SLC30A2: variants seen among roughly 807,000 people sequenced by gnomAD.
SLC30A2 encodes proton-coupled zinc antiporter SLC30A2.
A neutral mutation model predicts 39.6 loss-of-function variants in SLC30A2; 19 were observed. That is an observed-to-expected ratio of 0.48 (90% CI 0.34 to 0.70). The LOEUF (loss-of-function observed/expected upper bound fraction) is 0.70, where lower values mean the gene tolerates loss of function less well. Among genes scored for constraint, SLC30A2 ranks in the 30% least tolerant of loss-of-function variants. The pLI is 0.01. For synonymous variants in SLC30A2, 195 were observed against 194.8 expected, an observed-to-expected ratio of 1.00 and a Z score of -0.01; for missense variants, 387 against 479.4, an observed-to-expected ratio of 0.81 and a Z score of 1.80.
At chr1:26,043,269 A>G (rs545533981) in intron 4 of SLC30A2, 129 bp downstream of exon 4, 4 of 991,762 alleles carry the variant, frequency 4.0e-6, no homozygotes, top group East Asian at 4.9e-5. Flanking sequence ...AGCTCAGACC[A>G]TTAGGGAAGT....
At position 26,045,962 on chromosome 1, in the gene SLC30A2, G is replaced by T. The variant is rs957932111; in HGVS notation, c.-66C>A. 2 of 1,594,870 alleles carry T rather than the reference G, an allele frequency of 1.3e-6. No individual in the cohort carries two copies. Among genetic ancestry groups the T allele is most frequent in the South Asian group, 1.1e-5 (1 of 90,596 alleles). ...GCCGAGTGCGCCCTGAAAGTTGCGCGCGGGACTCCGGGTGGCGCTCACCCA... is the reference window on the plus strand; with the variant it reads ...GCCGAGTGCGCCCTGAAAGTTGCGCTCGGGACTCCGGGTGGCGCTCACCCA... On this transcript the variant is annotated 5_prime_UTR_variant, in exon 1 of 8. Coordinates refer to ENST00000374276, the MANE Select transcript of SLC30A2 (RefSeq NM_001004434.3).
chr1:26,045,835 C>G lies in SLC30A2; in HGVS notation c.50+12G>C, dbSNP rs767730144. The G allele has an allele frequency of 1.9e-6, 3 of 1,613,650 alleles. No individual in the cohort carries two copies. The highest frequency in any genetic ancestry group is 8.5e-7 in the Non-Finnish European group (1 of 1,179,890). On this transcript the variant is annotated intron_variant, in intron 1 of 7. Coordinates refer to ENST00000374276, the MANE Select transcript of SLC30A2 (RefSeq NM_001004434.3). ...GCCAAAATTCCCGCCCGTCCCCAGG[C>G]TCTCGCCTTACCGGATTGCCGGCCT...
chr1:26,045,373 A>T (rs548371624), intron 1 of SLC30A2, 156 bp from the exon 2 acceptor site: 11 of 646,864 alleles, frequency 1.7e-5, no homozygotes, highest in Middle Eastern at 8.5e-4. Context: ...CTGTATTCAG[A>T]CGGGGATGAT....
In SLC30A2 at chr1:26,045,582, G is replaced by T. The variant is rs189468303; in HGVS notation, c.50+265C>A. 7 of 642,636 alleles carry T rather than the reference G, an allele frequency of 1.1e-5. No individual in the cohort carries two copies. In the Admixed American group the frequency reaches 2.0e-4, roughly 19 times the overall value. 39.8% of individuals were successfully genotyped at this position (642,636 alleles called of 1,614,324 possible). A position where few individuals can be genotyped will look rare whatever the true frequency, so the allele number is the denominator to read the frequency against. ...GCGGGGCTGCCTGGGGCAAAGTGCTGGGCGGGGCGGGACTCCAGGCATGGG... is the reference window on the plus strand; with the variant it reads ...GCGGGGCTGCCTGGGGCAAAGTGCTTGGCGGGGCGGGACTCCAGGCATGGG... On this transcript the variant is annotated intron_variant, in intron 1 of 7. Transcript: ENST00000374276.
Position 26,041,696 on chromosome 1 carries a change from T to A in SLC30A2, c.838+4A>T. ...CAAAAAGGGAGCCACAAAGCCCAGG[T>A]TACCTTCCATCAACACCAGGATCAC... On this transcript the variant is annotated splice_donor_region_variant and intron_variant, in intron 6 of 7. Transcript: ENST00000374276. 6.3e-7 allele frequency: 1 copy of A among 1,587,360 alleles called. No individual in the cohort carries two copies. The highest frequency in any genetic ancestry group is 8.7e-7 in the Non-Finnish European group (1 of 1,155,832).
In SLC30A2 at chr1:26,039,058, C is replaced by T. The variant is rs2997452; in HGVS notation, c.*102G>A. 0.7 allele frequency: 1,059,277 copies of T among 1,518,308 alleles called. 373,467 individuals carry two copies. The highest frequency in any genetic ancestry group is 0.9 in the East Asian group (38,697 of 43,168). The allele number at this position is 1,518,308 out of a possible 1,614,324, so 94.1% of individuals were successfully genotyped here. A position where few individuals can be genotyped will look rare whatever the true frequency, so the allele number is the denominator to read the frequency against. On this transcript the variant is annotated 3_prime_UTR_variant, in exon 8 of 8. Coordinates refer to ENST00000374276, the MANE Select transcript of SLC30A2 (RefSeq NM_001004434.3). This position sits in a 1 kb window ranked among gnomAD's most constrained non-coding sequence, Gnocchi z 4.3. Reference sequence around the variant, plus strand: ...GAGGTCAGGAGGGGGACCTGGTTTACAACACAGCTGGGGTAGGCAAAGTCC... The same window carrying T: ...GAGGTCAGGAGGGGGACCTGGTTTATAACACAGCTGGGGTAGGCAAAGTCC...
intron 4 of SLC30A2, among the ~76,000 whole-genome samples, chr1:26,043,039 T>C (rs955160421): frequency 6.6e-6 from 1 of 152,196 alleles, no homozygotes; most frequent in Non-Finnish European, 1.5e-5. Flanking sequence ...GAGACACCCA[T>C]TGTCTCTAAC....
intron 4 of SLC30A2, 105 bp downstream of exon 4, chr1:26,043,293 C>T (rs565414279): frequency 5.8e-6 from 7 of 1,214,848 alleles, no homozygotes; most frequent in South Asian, 5.4e-5. Context: ...GTCCCTGTAG[C>T]GTATGCTGGA....
At chr1:26,045,457 G>A (rs1385789923) in intron 1 of SLC30A2, 6 of 598,522 alleles carry the variant, frequency 1.0e-5, no homozygotes, top group East Asian at 8.3e-5. Context: ...ACCGGCCAAG[G>A]GGCGTGCTGT....
In SLC30A2 at chr1:26,038,924, G is replaced by GC. The variant is rs2050367914; in HGVS notation, c.*235dup. Reference sequence around the variant, plus strand: ...CCCAAATACAGCCCTTCCAGAGCTGGCCCAGGAGCTGGAAGAGCAGGGTCA... The same window carrying GC: ...CCCAAATACAGCCCTTCCAGAGCTGGCCCCAGGAGCTGGAAGAGCAGGGTCA... On this transcript the variant is annotated 3_prime_UTR_variant, in exon 8 of 8. Transcript: ENST00000374276. 8.6e-7 allele frequency: 1 copy of GC among 1,164,098 alleles called. No homozygotes were observed. The highest frequency in any genetic ancestry group is 3.4e-5 in the Admixed American group (1 of 29,364). 72.1% of individuals were successfully genotyped at this position (1,164,098 alleles called of 1,614,324 possible). A position where few individuals can be genotyped will look rare whatever the true frequency, so the allele number is the denominator to read the frequency against.
intron 3 of SLC30A2, 34 bp from the exon 4 acceptor site, chr1:26,043,585 G>C: frequency 6.2e-7 from 1 of 1,605,026 alleles, no homozygotes; most frequent in Non-Finnish European, 8.5e-7. Context: ...ACCCACCTTG[G>C]CATGGGCCTG....
rs199779903 is a variant in SLC30A2, at chr1:26,039,157, C to A, written c.*3G>T. The A allele has an allele frequency of 1.2e-6, 2 of 1,612,944 alleles. No individual in the cohort carries two copies. The highest frequency in any genetic ancestry group is 1.7e-5 in the Admixed American group (1 of 60,004). On this transcript the variant is annotated 3_prime_UTR_variant, in exon 8 of 8. Transcript: ENST00000374276. The surrounding 1 kb of genome is among the most constrained non-coding windows in gnomAD (Gnocchi z 4.3). ...ATGCCCCAGTTGGTGCCTGGCTGAG[C>A]AGTCAGTCTGAGGGGCCCTGGCATG...
rs1198138314 is a variant in SLC30A2, at chr1:26,039,999, T to G, written c.839-88A>C. 1 of 1,475,310 alleles carries G rather than the reference T, an allele frequency of 6.8e-7. No homozygotes were observed. Among genetic ancestry groups the G allele is most frequent in the Non-Finnish European group, 9.4e-7 (1 of 1,068,714 alleles). 91.4% of individuals were successfully genotyped at this position (1,475,310 alleles called of 1,614,324 possible). On this transcript the variant is annotated intron_variant, in intron 6 of 7. Transcript: ENST00000374276. This position sits in a 1 kb window ranked among gnomAD's most constrained non-coding sequence, Gnocchi z 4.3. The stretch of plus-strand genomic sequence containing the variant: ...GCAGGGCTGGCTCCTGATCCTCAGG[T>G]GTCATCCCCTCAAAGAAGACCTCTT...
chr1:26,044,972 A>G (rs747333631), intron 2 of SLC30A2, 25 bp downstream of exon 2: 2 of 1,603,358 alleles, frequency 1.2e-6, no homozygotes, highest in Non-Finnish European at 1.7e-6. Context: ...CACCAACTTC[A>G]TTTAATTAGC....
chr1:26,045,554 G>A, intron 1 of SLC30A2: 1 of 605,676 alleles, frequency 1.7e-6, no homozygotes, highest in East Asian at 2.8e-5. Context: ...GGGCCTCCCC[G>A]GGGCGGGGCT....
At chr1:26,040,924 C>CA (rs936285764) in intron 6 of SLC30A2, among the ~76,000 whole-genome samples, 1 of 151,418 alleles carries the variant, frequency 6.6e-6, no homozygotes, top group Admixed American at 6.6e-5. Context: ...AGACCCCCCC[C>CA]CCATCTCTAC....
intron 2 of SLC30A2, among the ~76,000 whole-genome samples, 162 bp from the exon 3 acceptor site, chr1:26,044,606 T>C (rs1205919116): frequency 6.6e-6 from 1 of 152,126 alleles, no homozygotes; most frequent in Non-Finnish European, 1.5e-5. Flanking sequence ...TCTCTGAGCC[T>C]CAACTTCCAC....
Position 26,039,673 on chromosome 1 carries a change from G to T in SLC30A2, c.973+104C>A. The stretch of plus-strand genomic sequence containing the variant: ...TACTCAGCATGAGGCTGGGCTTGAT[G>T]CATGGGCACTGTGAGCATCTGGGGT... On this transcript the variant is annotated intron_variant, in intron 7 of 7. Transcript: ENST00000374276. This position sits in a 1 kb window ranked among gnomAD's most constrained non-coding sequence, Gnocchi z 4.3. 8.7e-7 allele frequency: 1 copy of T among 1,154,500 alleles called. No homozygotes were observed. Among genetic ancestry groups the T allele is most frequent in the Non-Finnish European group, 1.2e-6 (1 of 806,382 alleles). The allele number at this position is 1,154,500 out of a possible 1,614,324, so 71.5% of individuals were successfully genotyped here.
rs1490497704 is a variant in SLC30A2 at position 26,039,814 on chromosome 1, C to T, written c.936G>A (p.Thr312=). Residue 312 remains threonine (T), a synonymous_variant, in exon 7 of 8, where the codon ACG becomes ACA. Transcript: ENST00000374276. The surrounding 1 kb of genome is among the most constrained non-coding windows in gnomAD (Gnocchi z 4.3). ...GGACAGACAGAACAGGCTGGGCCAC[C>T]GTCAGTGCCCAGATATGCAGGCTGT... The part of the protein sequence containing the change: ...ALHSLHIWAL[T]VAQPVLSVHI... 5 of 1,613,808 alleles carry T rather than the reference C, an allele frequency of 3.1e-6. No homozygotes were observed. Among genetic ancestry groups the T allele is most frequent in the African/African-American group, 1.3e-5 (1 of 74,932 alleles).
Sources: allele counts gnomAD v4.1 joint callset (sites outside exome capture counted in the v4.1 genomes callset), GRCh38; gene constraint gnomAD v4.1.1; non-coding constraint Gnocchi (gnomAD v3.1); transcripts MANE v1.5; gene names NCBI Gene and HGNC (gene_info 2026-07-23, HGNC 2026-07-21).